PKP2: variants seen among roughly 807,000 people sequenced by gnomAD.
The protein encoded by PKP2 is plakophilin 2.
A neutral mutation model predicts 83.4 loss-of-function variants in PKP2; 73 were observed. The ratio of observed to expected loss-of-function variants is 0.88; its 90% CI spans 0.72 to 1.06. The LOEUF is 1.06. Among genes scored for constraint, PKP2 ranks in the 50% least tolerant of loss-of-function variants. The probability of loss-of-function intolerance (pLI) is 0.00; values close to 1 mark genes in which losing one functional copy is unlikely to be tolerated. For synonymous variants in PKP2, 409 were observed against 430.4 expected, an observed-to-expected ratio of 0.95 and a Z score of 0.62; for missense variants, 966 against 1,065.4, an observed-to-expected ratio of 0.91 and a Z score of 1.30.
intron 1 of PKP2, among the ~76,000 whole-genome samples, chr12:32,887,530 T>C (rs1957040337): frequency 6.6e-6 from 1 of 152,228 alleles, no homozygotes; most frequent in Non-Finnish European, 1.5e-5. Context: ...CTTGGCTCAC[T>C]GAAACCTCTT....
chr12:32,883,205 TG>T, intron 1 of PKP2, among the ~76,000 whole-genome samples: 1 of 152,340 alleles, frequency 6.6e-6, no homozygotes, highest in East Asian at 1.9e-4. Context: ...ACATGAAAGA[TG>T]TGACTCCAGA....
chr12:32,822,985 G>A (rs761526159), intron 7 of PKP2, among the ~76,000 whole-genome samples: 1 of 152,124 alleles, frequency 6.6e-6, no homozygotes, highest in Non-Finnish European at 1.5e-5. Flanking sequence ...TGCAATAATC[G>A]GCATGAAAGA....
chr12:32,806,187 T>A (rs926044993), intron 9 of PKP2, among the ~76,000 whole-genome samples: 26 of 152,160 alleles, frequency 1.7e-4, no homozygotes, highest in African/African-American at 5.1e-4. Flanking sequence ...TTTTGTTGTA[T>A]CTCTGCCAGG....
At chr12:32,885,715 A>C (rs973236866) in intron 1 of PKP2, among the ~76,000 whole-genome samples, 14 of 151,992 alleles carry the variant, frequency 9.2e-5, no homozygotes, top group Admixed American at 8.5e-4. Context: ...TTTGTGAACA[A>C]TTTTATTATG....
chr12:32,864,767 T>G (rs370373082), intron 4 of PKP2, among the ~76,000 whole-genome samples: 19 of 152,304 alleles, frequency 1.2e-4, no homozygotes, highest in African/African-American at 3.6e-4. Flanking sequence ...TACCTACTTT[T>G]GAGACTTATA....
At chr12:32,850,722 G>A in intron 5 of PKP2, 44 bp downstream of exon 5, 1 of 1,436,462 alleles carries the variant, frequency 7.0e-7, no homozygotes. Flanking sequence ...GCATCTGGCT[G>A]GGGTGCAAAT....
In PKP2 at chr12:32,878,217, G is replaced by T. The variant is rs767987619; in HGVS notation, c.663C>A (p.Tyr221Ter). 13 of 1,614,096 alleles carry T rather than the reference G, an allele frequency of 8.1e-6. No homozygotes were observed. Among genetic ancestry groups the T allele is most frequent in the African/African-American group, 6.7e-5 (5 of 74,930 alleles). Residue 221 changes from tyrosine (Y) to a stop codon, truncating the protein, a stop_gained, in exon 3 of 13, where the codon TAC (tyrosine) becomes TAA (stop). Coordinates refer to ENST00000340811, the MANE Select transcript of PKP2 (RefSeq NM_001005242.3). LOFTEE classifies it high-confidence loss of function. ...CGGTGTCGCTAACAGAGCCATGCTG[G>T]TACTGTCTGTGGTATGTGTCAAAGT... Reference protein sequence around the residue: ...QRHFDTYHRQYQHGSVSDTVF... With the variant: ...QRHFDTYHRQ
intron 4 of PKP2, among the ~76,000 whole-genome samples, chr12:32,854,750 T>C (rs1459632823): frequency 1.3e-5 from 2 of 152,246 alleles, no homozygotes; most frequent in African/African-American, 2.4e-5. Flanking sequence ...GAGTCACATA[T>C]GAGAATTTTA....
rs765139046 is a variant in PKP2 at position 32,841,087 on chromosome 12, G to A, written c.1497C>T (p.Tyr499=). The change falls in exon 6 of 13, where the codon TAC becomes TAT. Residue 499 remains tyrosine, a synonymous_variant. Transcript: ENST00000340811. ...AATCGAGCAAACCATTTGCTTTTGG[G>A]TAGTCTCCTTCAGGCCACCCAGAAA... ...IPFSGWPEGD[Y]PKANGLLDFD... 2.5e-6 allele frequency: 4 copies of A among 1,613,922 alleles called. No homozygotes were observed. Among genetic ancestry groups the A allele is most frequent in the Non-Finnish European group, 3.4e-6 (4 of 1,179,886 alleles).
intron 6 of PKP2, among the ~76,000 whole-genome samples, chr12:32,831,153 A>G (rs1956497535): frequency 6.6e-6 from 1 of 152,188 alleles, no homozygotes; most frequent in Non-Finnish European, 1.5e-5. Context: ...CTTGACATGT[A>G]AAGGAGATGT....
chr12:32,872,573 C>A (rs1329393498), intron 3 of PKP2, among the ~76,000 whole-genome samples: 1 of 152,050 alleles, frequency 6.6e-6, no homozygotes, highest in African/African-American at 2.4e-5. Flanking sequence ...AACTTGTGTG[C>A]GTGTGTAATC....
chr12:32,793,959 T>C (rs1326177732), intron 11 of PKP2, among the ~76,000 whole-genome samples: 1 of 152,160 alleles, frequency 6.6e-6, no homozygotes, highest in African/African-American at 2.4e-5. Flanking sequence ...CCGCCTTAGA[T>C]CTCTTTCTCT....
intron 1 of PKP2, 127 bp from the exon 2 acceptor site, chr12:32,879,159 G>C (rs993369249): frequency 1.5e-6 from 1 of 686,968 alleles, no homozygotes; most frequent in African/African-American, 1.8e-5. Context: ...AGTATTAAAC[G>C]TACGTTAATG....
chr12:32,830,729 A>G (rs1337327145), intron 6 of PKP2, among the ~76,000 whole-genome samples: 1 of 152,056 alleles, frequency 6.6e-6, no homozygotes, highest in Non-Finnish European at 1.5e-5. Context: ...AACATGGTGA[A>G]ACCCTGTCTC....
intron 4 of PKP2, among the ~76,000 whole-genome samples, chr12:32,862,323 GTGA>G (rs1397165057): frequency 5.3e-5 from 8 of 152,286 alleles, no homozygotes; most frequent in African/African-American, 1.9e-4. Flanking sequence ...AGGTTTGCTG[GTGA>G]TGAACTAAAA....
chr12:32,802,336 GACA>G (rs1956188839), intron 10 of PKP2, 64 bp downstream of exon 10: 1 of 1,503,372 alleles, frequency 6.7e-7, no homozygotes, highest in Non-Finnish European at 9.2e-7. Context: ...AGGTGATACA[GACA>G]ACATTTCATT....
chr12:32,883,575 A>C (rs1405725858), intron 1 of PKP2, among the ~76,000 whole-genome samples: 1 of 152,242 alleles, frequency 6.6e-6, no homozygotes, highest in Non-Finnish European at 1.5e-5. Flanking sequence ...TCCAGCTTTA[A>C]ACAAATCCAA....
chr12:32,884,050 T>C (rs28588399), intron 1 of PKP2, among the ~76,000 whole-genome samples: 3,656 of 152,276 alleles, frequency 0.024, 72 homozygotes, highest in African/African-American at 0.054. Context: ...GAAAGGAATG[T>C]CATAAAGGGA....
chr12:32,881,788 C>T (rs569652057), intron 1 of PKP2, among the ~76,000 whole-genome samples: 18 of 152,176 alleles, frequency 1.2e-4, no homozygotes, highest in African/African-American at 1.9e-4. Context: ...TGTGAGCCAC[C>T]GTGTCTGGCC....
Sources: gnomAD v4.1 joint callset for allele counts (sites outside exome capture counted in the v4.1 genomes callset) on GRCh38, gnomAD v4.1.1 for gene constraint, MANE v1.5 for transcripts, NCBI Gene and HGNC (gene_info 2026-07-23, HGNC 2026-07-21) for gene names.